Variants in R3HDM2 observed in about 807,000 individuals in gnomAD.
R3HDM2 encodes the protein R3H domain-containing protein 2.
In R3HDM2, 38 loss-of-function variants were observed where a neutral mutation model predicts 124.5. The observed-to-expected ratio is 0.31, with a 90% CI of 0.24 to 0.40. The LOEUF (loss-of-function observed/expected upper bound fraction) is 0.40. Ranked by LOEUF, R3HDM2 falls within the 10% of genes least tolerant of loss-of-function variation. The probability of loss-of-function intolerance (pLI) is 1.00; values close to 1 mark genes in which losing one functional copy is unlikely to be tolerated. For missense variants in R3HDM2, 869 were observed against 1,236.9 expected (o/e 0.70, Z 4.46); for synonymous variants, 391 against 448.0 (o/e 0.87, Z 1.61).
At chr12:57,279,284 G>A (rs751362814) in intron 14 of R3HDM2, among the ~76,000 whole-genome samples, 9 of 150,218 alleles carry the variant, frequency 6.0e-5, no homozygotes, top group Non-Finnish European at 1.0e-4. Flanking sequence ...ATGGGTTCAA[G>A]CGATTCTCCT....
At chr12:57,430,416 C>T (rs1869507141) in intron 1 of R3HDM2, 1 of 613,038 alleles carries the variant, frequency 1.6e-6, no homozygotes. Context: ...CGGAGCTAGC[C>T]ACCCCGAAGC....
intron 2 of R3HDM2, among the ~76,000 whole-genome samples, chr12:57,313,576 AAT>A (rs1204060748): frequency 4.6e-5 from 7 of 151,020 alleles, no homozygotes; most frequent in East Asian, 1.9e-4. Context: ...AAAAAAAAAA[AAT>A]AATAATAATA....
In R3HDM2 at chr12:57,310,414, G is replaced by A. The variant is rs2053656648; in HGVS notation, c.15C>T (p.Asn5=). The change falls in exon 3 of 24, where the codon AAC becomes AAT. Residue 5 remains asparagine, a synonymous_variant. Coordinates refer to ENST00000402412, the MANE Select transcript of R3HDM2 (RefSeq NM_001394031.1). MSNS[N]TTQETLEIMK... ...TTATTTCCAGGGTCTCTTGAGTAGT[G>A]TTACTGTTAGACATGTTCTTCAATA... The A allele has an allele frequency of 6.5e-7, 1 of 1,539,888 alleles. No individual in the cohort carries two copies. The highest frequency in any genetic ancestry group is 1.4e-5 in the African/African-American group (1 of 71,920).
chr12:57,403,968 C>G (rs1285641444), intron 1 of R3HDM2, among the ~76,000 whole-genome samples: 1 of 151,286 alleles, frequency 6.6e-6, no homozygotes, highest in Non-Finnish European at 1.5e-5. Flanking sequence ...CTCATATTTT[C>G]TCTAGTCTCA....
At chr12:57,358,129 A>T (rs961295734) in intron 2 of R3HDM2, among the ~76,000 whole-genome samples, 11 of 139,838 alleles carry the variant, frequency 7.9e-5, no homozygotes, top group Non-Finnish European at 1.4e-4. Flanking sequence ...CAGGCGCGTG[A>T]CGCTACGCCC....
intron 4 of R3HDM2, among the ~76,000 whole-genome samples, 182 bp downstream of exon 4, chr12:57,302,994 G>A (rs1187231383): frequency 1.3e-5 from 2 of 152,120 alleles, no homozygotes; most frequent in East Asian, 1.9e-4. Context: ...TTCCATTAGA[G>A]GTATGTATGT....
At chr12:57,402,406 T>C (rs2068122448) in intron 1 of R3HDM2, among the ~76,000 whole-genome samples, 1 of 152,124 alleles carries the variant, frequency 6.6e-6, no homozygotes, top group Non-Finnish European at 1.5e-5. Context: ...TGGAGTGCAG[T>C]GACGCCATTT....
At chr12:57,328,790 CAGG>C (rs1400732522) in intron 2 of R3HDM2, among the ~76,000 whole-genome samples, 2 of 152,118 alleles carry the variant, frequency 1.3e-5, no homozygotes, top group Non-Finnish European at 1.5e-5. Context: ...GCTGGGATTA[CAGG>C]CGTGAACCAC....
intron 2 of R3HDM2, among the ~76,000 whole-genome samples, chr12:57,355,681 C>T (rs537015940): frequency 6.6e-6 from 1 of 152,214 alleles, no homozygotes; most frequent in South Asian, 2.1e-4. Flanking sequence ...ATTCTAGACT[C>T]TGTGCTTCCA....
chr12:57,321,415 C>T (rs767991175), intron 2 of R3HDM2, among the ~76,000 whole-genome samples: 1 of 152,100 alleles, frequency 6.6e-6, no homozygotes, highest in Admixed American at 6.6e-5. Context: ...CTTTGGGAGG[C>T]CAGGTTGGGT....
At chr12:57,422,694 G>A (rs1187267153) in intron 1 of R3HDM2, among the ~76,000 whole-genome samples, 2 of 152,094 alleles carry the variant, frequency 1.3e-5, no homozygotes, top group Non-Finnish European at 2.9e-5. Context: ...AAAGGACAGG[G>A]GCCAGGTGCA....
chr12:57,343,297 C>G (rs958903876), intron 2 of R3HDM2, among the ~76,000 whole-genome samples: 1 of 149,356 alleles, frequency 6.7e-6, no homozygotes, highest in African/African-American at 2.5e-5. Flanking sequence ...TCAAGCGGTT[C>G]TCCTGCATCA....
At position 57,303,229 on chromosome 12, in the gene R3HDM2, G is replaced by A; in HGVS notation, c.166-12C>T. 1 of 1,518,052 alleles carries A rather than the reference G, an allele frequency of 6.6e-7. No homozygotes were observed. Among genetic ancestry groups the A allele is most frequent in the Non-Finnish European group, 9.0e-7 (1 of 1,116,492 alleles). The allele number at this position is 1,518,052 out of a possible 1,614,324, so 94.0% of individuals were successfully genotyped here. ...TTAGATGTCCGCCTCTGTTAGAAGG[G>A]AATTGGAAAATATTAAAGGTGGAAG... On this transcript the variant is annotated splice_polypyrimidine_tract_variant and intron_variant, in intron 3 of 23. Coordinates refer to ENST00000402412, the MANE Select transcript of R3HDM2 (RefSeq NM_001394031.1).
intron 2 of R3HDM2, among the ~76,000 whole-genome samples, chr12:57,349,363 A>G: frequency 1.7e-5 from 2 of 120,640 alleles, no homozygotes; most frequent in Non-Finnish European, 1.6e-5. Flanking sequence ...CTGCCGACAG[A>G]GCGAGACTCC....
At chr12:57,374,742 C>G (rs1295456468) in intron 2 of R3HDM2, among the ~76,000 whole-genome samples, 1 of 126,254 alleles carries the variant, frequency 7.9e-6, no homozygotes, top group Non-Finnish European at 1.6e-5. Flanking sequence ...GCCTGTAATA[C>G]TAGCACTTTG....
At chr12:57,359,097 T>C (rs1462056077) in intron 2 of R3HDM2, among the ~76,000 whole-genome samples, 1 of 152,062 alleles carries the variant, frequency 6.6e-6, no homozygotes, top group Non-Finnish European at 1.5e-5. Context: ...TTTGTATTTT[T>C]AGTAGAGGCG....
At chr12:57,429,654 A>G (rs1869160726) in intron 1 of R3HDM2, among the ~76,000 whole-genome samples, 1 of 151,314 alleles carries the variant, frequency 6.6e-6, no homozygotes, top group Admixed American at 6.6e-5. Flanking sequence ...CAGAGGTTGC[A>G]TTGAGCCGAA....
intron 1 of R3HDM2, among the ~76,000 whole-genome samples, chr12:57,406,788 G>A (rs1337632107): frequency 6.6e-6 from 1 of 152,120 alleles, no homozygotes; most frequent in East Asian, 1.9e-4. Context: ...TGATCATCTA[G>A]ATATAACTAC....
intron 11 of R3HDM2, 30 bp downstream of exon 11, chr12:57,292,542 G>C: frequency 7.0e-7 from 1 of 1,428,594 alleles, no homozygotes; most frequent in Non-Finnish European, 9.6e-7. Flanking sequence ...TAAAAGCTAT[G>C]GGCTGACAAC....
Sources: allele counts gnomAD v4.1 joint callset (sites outside exome capture counted in the v4.1 genomes callset), GRCh38; gene constraint gnomAD v4.1.1; transcripts MANE v1.5; gene names NCBI Gene and HGNC (gene_info 2026-07-23, HGNC 2026-07-21).